Variants in GATA4 observed in about 807,000 individuals in gnomAD.
The protein encoded by GATA4 is GATA binding protein 4.
In GATA4, 7 loss-of-function variants were observed where a neutral mutation model predicts 37.9. The observed-to-expected ratio is 0.18, with a 90% CI of 0.11 to 0.35. The LOEUF is 0.35. GATA4 is among the 10% of genes least tolerant of loss of function. The pLI, the probability that GATA4 is intolerant of heterozygous loss-of-function variation, is 1.00. For synonymous variants in GATA4, 372 were observed against 292.6 expected (o/e 1.27, Z -2.77); for missense variants, 647 against 653.0 (o/e 0.99, Z 0.10).
chr8:11,716,996 G>A (rs1205434770), intron 2 of GATA4, among the ~76,000 whole-genome samples: 1 of 152,210 alleles, frequency 6.6e-6, no homozygotes, highest in Non-Finnish European at 1.5e-5. Flanking sequence ...TCTGACATCT[G>A]AAACTATTTG....
chr8:11,721,599 G>A (rs956741678), intron 2 of GATA4, among the ~76,000 whole-genome samples: 1 of 152,042 alleles, frequency 6.6e-6, no homozygotes, highest in Non-Finnish European at 1.5e-5. Flanking sequence ...TTTATGTGGT[G>A]TGCTTCGGCA....
chr8:11,703,771 A>C (rs1799769174), upstream of GATA4, among the ~76,000 whole-genome samples: 3 of 152,210 alleles, frequency 2.0e-5, no homozygotes, highest in Admixed American at 6.5e-5. Flanking sequence ...ACTAGCATCC[A>C]GCCGGGCACC....
intron 2 of GATA4, among the ~76,000 whole-genome samples, chr8:11,727,595 C>T (rs1027577219): frequency 2.0e-5 from 3 of 151,988 alleles, no homozygotes; most frequent in Non-Finnish European, 4.4e-5. Context: ...GTAATCCCAG[C>T]GCTTTGGGAG....
rs975185092 is a variant in GATA4 at position 11,758,784 on chromosome 8, A to T, written c.*309A>T. ...CCCTGCGTTCCCCACTGTGGCCTAGACCGTGGGTTTTGCATTGTGTTTCTA... is the reference window on the plus strand; with the variant it reads ...CCCTGCGTTCCCCACTGTGGCCTAGTCCGTGGGTTTTGCATTGTGTTTCTA... On this transcript the variant is annotated 3_prime_UTR_variant, in exon 7 of 7. Coordinates refer to ENST00000532059, the MANE Select transcript of GATA4 (RefSeq NM_001308093.3). 12 of 421,284 alleles carry T rather than the reference A, an allele frequency of 2.8e-5. No homozygotes were observed. The highest frequency in any genetic ancestry group is 2.4e-4 in the African/African-American group (12 of 49,190). 26.1% of individuals were successfully genotyped at this position (421,284 alleles called of 1,614,324 possible). A position where few individuals can be genotyped will look rare whatever the true frequency, so the allele number is the denominator to read the frequency against.
At chr8:11,747,144 C>G (rs1313123862) in intron 2 of GATA4, among the ~76,000 whole-genome samples, 2 of 152,218 alleles carry the variant, frequency 1.3e-5, no homozygotes, top group African/African-American at 2.4e-5. Flanking sequence ...AAAAATCTGC[C>G]CTTGCCTCTG....
At chr8:11,697,997 C>G (rs947218692) in intron 1 of GATA4, 1 of 985,354 alleles carries the variant, frequency 1.0e-6, no homozygotes, top group African/African-American at 1.7e-5. Flanking sequence ...ACTGTCCTCC[C>G]CGGGAGCTGG....
chr8:11,685,319 A>G (rs950591630), intron 1 of GATA4, among the ~76,000 whole-genome samples: 11 of 152,238 alleles, frequency 7.2e-5, no homozygotes, highest in African/African-American at 2.7e-4. Flanking sequence ...CTTTCTGCCT[A>G]ATGTGGCTAA....
At chr8:11,693,330 G>A (rs978262253) in intron 1 of GATA4, among the ~76,000 whole-genome samples, 1 of 152,056 alleles carries the variant, frequency 6.6e-6, no homozygotes, top group Admixed American at 6.6e-5. Context: ...CAGGCGTCGT[G>A]GCGCGCGCCT....
intron 2 of GATA4, among the ~76,000 whole-genome samples, chr8:11,720,695 T>C (rs1280988040): frequency 6.6e-6 from 1 of 152,234 alleles, no homozygotes; most frequent in Non-Finnish European, 1.5e-5. Flanking sequence ...TGTGAGAACA[T>C]GCGGTTAGTT....
chr8:11,701,209 C>A (rs1191265289), upstream of GATA4, among the ~76,000 whole-genome samples: 1 of 146,656 alleles, frequency 6.8e-6, no homozygotes, highest in Non-Finnish European at 1.5e-5. Flanking sequence ...TAAAATCTGA[C>A]GACCTGACAC....
chr8:11,693,170 G>C lies in GATA4; in HGVS notation c.-729+510G>C, dbSNP rs945027531. ...TCCTAAAGAGCTGTAAGGAAGCTTA[G>C]AAATGATTCGGCAAGCTGGGCGCGG... On this transcript the variant is annotated intron_variant, in intron 1 of 2. Transcript: ENST00000526974. The C allele has an allele frequency of 6.2e-5, 51 of 824,012 alleles. No homozygotes were observed. The African/African-American group carries it at 9.2e-4, about 15-fold the overall frequency. 51.0% of individuals were successfully genotyped at this position (824,012 alleles called of 1,614,324 possible). A position where few individuals can be genotyped will look rare whatever the true frequency, so the allele number is the denominator to read the frequency against.
intron 2 of GATA4, among the ~76,000 whole-genome samples, chr8:11,729,316 TC>T (rs1329331335): frequency 6.6e-6 from 1 of 152,088 alleles, no homozygotes; most frequent in African/African-American, 2.4e-5. Context: ...ATGCCTGTAA[TC>T]CCAGCACTTT....
At chr8:11,692,057 G>T (rs1799329939), upstream of GATA4, 1 of 985,400 alleles carries the variant, frequency 1.0e-6, no homozygotes, top group Non-Finnish European at 1.2e-6. Flanking sequence ...CACCAACAGA[G>T]GTGGCCGTGG....
chr8:11,685,088 A>G (rs563667620), intron 1 of GATA4, among the ~76,000 whole-genome samples: 10 of 152,352 alleles, frequency 6.6e-5, no homozygotes, highest in South Asian at 4.1e-4. Context: ...GACGCACCAA[A>G]CATTATGAAT....
chr8:11,704,563 C>G (rs1041214050), intron 1 of GATA4, among the ~76,000 whole-genome samples: 4 of 152,208 alleles, frequency 2.6e-5, no homozygotes, highest in African/African-American at 9.6e-5. Context: ...TGAACTTGAA[C>G]GCTTTCAATC....
intron 2 of GATA4, among the ~76,000 whole-genome samples, chr8:11,740,965 C>T (rs1274754169): frequency 6.6e-6 from 1 of 152,064 alleles, no homozygotes; most frequent in Non-Finnish European, 1.5e-5. Flanking sequence ...AACTCCTGAC[C>T]TCAAGTGTTC....
intron 1 of GATA4, among the ~76,000 whole-genome samples, chr8:11,681,778 C>T (rs1779615854): frequency 6.6e-6 from 1 of 152,120 alleles, no homozygotes; most frequent in South Asian, 2.1e-4. Flanking sequence ...AGCATTCGTT[C>T]TTCTTTTCTC....
chr8:11,729,736 G>A (rs1801112785), intron 2 of GATA4, among the ~76,000 whole-genome samples: 1 of 152,192 alleles, frequency 6.6e-6, no homozygotes, highest in African/African-American at 2.4e-5. Flanking sequence ...CTGAAAAGCA[G>A]GGGTTAAGTC....
intron 1 of GATA4, among the ~76,000 whole-genome samples, chr8:11,686,682 C>T (rs80149476): frequency 0.017 from 2,577 of 152,260 alleles, 84 homozygotes; most frequent in East Asian, 0.11. Context: ...TTCCAGACAC[C>T]CTTGTTGACT....
Sources: allele counts gnomAD v4.1 joint callset (sites outside exome capture counted in the v4.1 genomes callset), GRCh38; gene constraint gnomAD v4.1.1; transcripts MANE v1.5; gene names NCBI Gene and HGNC (gene_info 2026-07-23, HGNC 2026-07-21).